Variants in CHRM2 observed in about 807,000 individuals in gnomAD.
CHRM2 encodes the protein muscarinic acetylcholine receptor M2.
A neutral mutation model predicts 25.0 loss-of-function variants in CHRM2; 8 were observed. The observed-to-expected ratio is 0.32, with a 90% CI of 0.19 to 0.58. CHRM2 has a LOEUF of 0.58. CHRM2 is among the 20% of genes least tolerant of loss of function. The pLI is 0.88. For synonymous variants in CHRM2, 202 were observed against 205.7 expected, an observed-to-expected ratio of 0.98 and a Z score of 0.15; for missense variants, 440 against 567.1, an observed-to-expected ratio of 0.78 and a Z score of 2.28.
At chr7:136,899,505 G>A (rs927512016) in intron 2 of CHRM2, 1 of 152,054 alleles carries the variant, frequency 6.6e-6, no homozygotes, top group African/African-American at 2.4e-5. Context: ...TCTAAGGTAT[G>A]TCACAACTTT....
At chr7:136,884,537 T>C (rs79192917) in intron 2 of CHRM2, among the ~76,000 whole-genome samples, 16,173 of 150,738 alleles carry the variant, frequency 0.11, 1,051 homozygotes, top group Middle Eastern at 0.15. Context: ...CAGGGGAAAG[T>C]GGAGAGGAGA....
intron 2 of CHRM2, among the ~76,000 whole-genome samples, chr7:136,991,801 CTT>C (rs1215844835): frequency 2.0e-5 from 3 of 152,222 alleles, no homozygotes; most frequent in Middle Eastern, 3.4e-3. Context: ...CAAATATACT[CTT>C]TGTCATGGAG....
chr7:136,938,686 G>T (rs1333123103), intron 2 of CHRM2: 3 of 775,398 alleles, frequency 3.9e-6, no homozygotes, highest in Non-Finnish European at 6.8e-6. Flanking sequence ...AGGCCCAGGG[G>T]CCAGAGGTGG....
chr7:136,952,856 A>ATAAT (rs1442007392), intron 2 of CHRM2, among the ~76,000 whole-genome samples: 3 of 152,162 alleles, frequency 2.0e-5, no homozygotes, highest in Non-Finnish European at 2.9e-5. Flanking sequence ...TTTGCTAAGG[A>ATAAT]TAATGGCCTC....
At chr7:136,933,037 AATAAATAAATAC>A (rs149974740) in intron 2 of CHRM2, among the ~76,000 whole-genome samples, 21,316 of 151,702 alleles carry the variant, frequency 0.14, 2,036 homozygotes, top group East Asian at 0.37. Context: ...TTCAAAAATA[AATAAATAAATAC>A]ATAAATAAAT....
intron 2 of CHRM2, among the ~76,000 whole-genome samples, chr7:136,896,430 C>T (rs1219562456): frequency 1.3e-5 from 2 of 152,112 alleles, no homozygotes; most frequent in African/African-American, 4.8e-5. Flanking sequence ...TTGTTTTCCT[C>T]GCTCTGAAGG....
intron 2 of CHRM2, among the ~76,000 whole-genome samples, chr7:136,933,823 C>G (rs570198773): frequency 6.6e-6 from 1 of 152,212 alleles, no homozygotes; most frequent in Admixed American, 6.5e-5. Context: ...GGACAACACA[C>G]CATATAGTTC....
chr7:136,926,098 G>A (rs1798732740), intron 2 of CHRM2, among the ~76,000 whole-genome samples: 1 of 152,104 alleles, frequency 6.6e-6, no homozygotes, highest in Non-Finnish European at 1.5e-5. Flanking sequence ...ATTAGCCAGG[G>A]ATGGTGGTGC....
At chr7:136,960,406 C>T (rs1800998876) in intron 2 of CHRM2, among the ~76,000 whole-genome samples, 1 of 152,192 alleles carries the variant, frequency 6.6e-6, no homozygotes, top group Non-Finnish European at 1.5e-5. Context: ...AGGAGCTAGA[C>T]ACTGGGGAAG....
chr7:136,887,655 A>G (rs1334934105), intron 2 of CHRM2, among the ~76,000 whole-genome samples: 2 of 152,172 alleles, frequency 1.3e-5, no homozygotes, highest in Non-Finnish European at 2.9e-5. Context: ...TTCATTGTGA[A>G]ACTCAAAACC....
At chr7:136,997,038 C>T (rs948031895) in intron 3 of CHRM2, among the ~76,000 whole-genome samples, 1 of 152,002 alleles carries the variant, frequency 6.6e-6, no homozygotes, top group African/African-American at 2.4e-5. Context: ...TAGTTGACAG[C>T]TTTTCTGATT....
intron 3 of CHRM2, among the ~76,000 whole-genome samples, chr7:136,994,097 C>G (rs143171925): frequency 2.7e-3 from 418 of 152,314 alleles, no homozygotes; most frequent in African/African-American, 9.7e-3. Context: ...AATGCTCTCT[C>G]TAGCTCTCTG....
intron 2 of CHRM2, among the ~76,000 whole-genome samples, chr7:136,913,452 T>C (rs1487331290): frequency 6.6e-6 from 1 of 151,904 alleles, no homozygotes; most frequent in African/African-American, 2.4e-5. Flanking sequence ...TTCCTCTAGT[T>C]TTGAGGAGAT....
chr7:136,909,197 C>T (rs1028120319), intron 2 of CHRM2, among the ~76,000 whole-genome samples: 2 of 151,808 alleles, frequency 1.3e-5, no homozygotes, highest in Non-Finnish European at 2.9e-5. Context: ...TTATTTTGTT[C>T]TCATGATGGA....
intron 2 of CHRM2, among the ~76,000 whole-genome samples, chr7:136,913,150 A>G (rs1797932736): frequency 6.6e-6 from 1 of 152,000 alleles, no homozygotes; most frequent in African/African-American, 2.4e-5. Context: ...ACAATTGAGT[A>G]TTAAATACCT....
intron 2 of CHRM2, among the ~76,000 whole-genome samples, chr7:136,972,196 C>T (rs1801823732): frequency 2.0e-5 from 3 of 151,734 alleles, no homozygotes; most frequent in Admixed American, 6.6e-5. Context: ...CATAAATCTA[C>T]CAACAGACAA....
intron 2 of CHRM2, chr7:136,938,534 G>T (rs1799555967): frequency 4.3e-6 from 4 of 929,234 alleles, no homozygotes; most frequent in South Asian, 1.3e-5. Flanking sequence ...TTGATTGACC[G>T]TGACTGCAGT....
intron 2 of CHRM2, among the ~76,000 whole-genome samples, chr7:136,969,215 G>GA (rs199519954): frequency 1.3e-4 from 20 of 151,556 alleles, no homozygotes; most frequent in South Asian, 8.3e-4. Flanking sequence ...ATTCATATTG[G>GA]AAAAAAAATA....
chr7:136,968,385 G>C (rs952465444), intron 2 of CHRM2, among the ~76,000 whole-genome samples: 3 of 149,000 alleles, frequency 2.0e-5, no homozygotes, highest in African/African-American at 7.4e-5. Context: ...AACAACTACT[G>C]CTGAGGGTGT....
Sources: gnomAD v4.1 joint callset for allele counts (sites outside exome capture counted in the v4.1 genomes callset) on GRCh38, gnomAD v4.1.1 for gene constraint, MANE v1.5 for transcripts, NCBI Gene and HGNC (gene_info 2026-07-23, HGNC 2026-07-21) for gene names.